The following ADAMTSL1 variants were observed in gnomAD, a reference collection of about 807,000 sequenced individuals.
The protein encoded by ADAMTSL1 is ADAMTS like 1, also known as ADAMTS-like protein 1.
Under a neutral mutation model 201.8 loss-of-function variants are expected in ADAMTSL1, and 126 were observed. The ratio of observed to expected loss-of-function variants is 0.62; its 90% CI spans 0.54 to 0.72. The LOEUF (loss-of-function observed/expected upper bound fraction) is 0.72. ADAMTSL1 is among the 30% of genes least tolerant of loss of function. The probability of loss-of-function intolerance (pLI) is 0.00; values close to 1 mark genes in which losing one functional copy is unlikely to be tolerated. For missense variants in ADAMTSL1, 2,679 were observed against 2,277.8 expected (o/e 1.18, Z -3.59); for synonymous variants, 1,121 against 903.4 (o/e 1.24, Z -4.32).
intron 2 of ADAMTSL1, among the ~76,000 whole-genome samples, chr9:18,271,442 T>G (rs527821055): frequency 6.6e-6 from 1 of 152,218 alleles, no homozygotes; most frequent in Admixed American, 6.5e-5. Flanking sequence ...TTTTTGTCCT[T>G]GTGATAGTTT....
At chr9:18,189,732 C>T (rs1828892199) in intron 2 of ADAMTSL1, among the ~76,000 whole-genome samples, 1 of 152,098 alleles carries the variant, frequency 6.6e-6, no homozygotes, top group African/African-American at 2.4e-5. Flanking sequence ...TTATACATGT[C>T]TTCCACTCTA....
chr9:18,571,599 A>G (rs1056450582), intron 3 of ADAMTSL1, among the ~76,000 whole-genome samples: 3 of 152,220 alleles, frequency 2.0e-5, no homozygotes, highest in African/African-American at 7.2e-5. Flanking sequence ...TGTGGATCAT[A>G]TAAAGGTAGG....
In ADAMTSL1 at chr9:18,681,698, G is replaced by GTGTT. The variant is rs66675938; in HGVS notation, c.1342-114_1342-113insTGTT. 1.8e-3 allele frequency: 595 copies of GTGTT among 322,806 alleles called. 23 individuals carry two copies. Among genetic ancestry groups the GTGTT allele is most frequent in the Middle Eastern group, 3.8e-3 (4 of 1,040 alleles). 20.0% of individuals were successfully genotyped at this position (322,806 alleles called of 1,614,324 possible). On this transcript the variant is annotated intron_variant, in intron 11 of 28. Transcript: ENST00000380548. ...ATAAATTTACCAGGAGTCCTCGTGT[G>GTGTT]GGGGGGGGGGGCGGGGAAAAAGAAA... is the stretch of plus-strand genomic sequence containing the variant.
At chr9:18,887,715 C>T (rs1828986186) in intron 23 of ADAMTSL1, 116 bp from the exon 24 acceptor site, 1 of 906,790 alleles carries the variant, frequency 1.1e-6, no homozygotes, top group Non-Finnish European at 1.7e-6. Context: ...AAAAATGCCA[C>T]AGACAAGGCC....
chr9:18,801,087 C>A (rs1392667003), intron 20 of ADAMTSL1, among the ~76,000 whole-genome samples: 1 of 152,188 alleles, frequency 6.6e-6, no homozygotes, highest in African/African-American at 2.4e-5. Context: ...GCCCTACCTA[C>A]TTCCTCAAGT....
chr9:18,807,869 C>G (rs1446990129), intron 20 of ADAMTSL1, among the ~76,000 whole-genome samples: 1 of 151,994 alleles, frequency 6.6e-6, no homozygotes, highest in South Asian at 2.1e-4. Context: ...TTTTTTTCTC[C>G]TTAGTTAACT....
intron 2 of ADAMTSL1, 106 bp downstream of exon 2, chr9:18,505,062 C>G: frequency 5.2e-6 from 7 of 1,355,584 alleles, no homozygotes; most frequent in Non-Finnish European, 5.9e-6. Context: ...CTTACAGATC[C>G]AGATAAAAGA....
intron 2 of ADAMTSL1, among the ~76,000 whole-genome samples, chr9:18,410,491 C>T (rs960512036): frequency 6.6e-6 from 1 of 152,122 alleles, no homozygotes; most frequent in Non-Finnish European, 1.5e-5. Context: ...TTTTCCGTTC[C>T]TGTGTTAGTT....
intron 1 of ADAMTSL1, among the ~76,000 whole-genome samples, chr9:18,124,959 T>A (rs754526179): frequency 2.7e-4 from 41 of 152,216 alleles, no homozygotes; most frequent in Non-Finnish European, 5.6e-4. Flanking sequence ...TTGGAGTGAC[T>A]CATTCACCCA....
intron 23 of ADAMTSL1, among the ~76,000 whole-genome samples, chr9:18,886,327 T>C (rs142918805): frequency 0.014 from 2,087 of 151,332 alleles, 25 homozygotes; most frequent in Non-Finnish European, 0.022. Flanking sequence ...TGGAGGTTGC[T>C]GTGAGCTACG....
intron 2 of ADAMTSL1, among the ~76,000 whole-genome samples, chr9:18,298,282 G>A (rs1222510862): frequency 3.9e-5 from 6 of 152,144 alleles, no homozygotes; most frequent in African/African-American, 7.2e-5. Flanking sequence ...GCCGTGCAGG[G>A]TAAAAATAAA....
At chr9:18,512,411 G>T (rs1033860634) in intron 2 of ADAMTSL1, among the ~76,000 whole-genome samples, 1 of 151,824 alleles carries the variant, frequency 6.6e-6, no homozygotes, top group African/African-American at 2.4e-5. Flanking sequence ...TCAGGAATCT[G>T]TAACTCTTAG....
intron 1 of ADAMTSL1, among the ~76,000 whole-genome samples, chr9:18,038,084 A>G (rs1270750284): frequency 2.6e-5 from 4 of 152,242 alleles, no homozygotes; most frequent in African/African-American, 9.6e-5. Context: ...AAGATGCAGT[A>G]TCCATGGATG....
chr9:18,825,529 C>G (rs10963784), intron 21 of ADAMTSL1, among the ~76,000 whole-genome samples: 13,075 of 152,246 alleles, frequency 0.086, 688 homozygotes, highest in East Asian at 0.28. Flanking sequence ...AATCTAGCAG[C>G]TTCCATTTGT....
intron 2 of ADAMTSL1, among the ~76,000 whole-genome samples, chr9:18,368,585 A>G (rs948259347): frequency 6.6e-6 from 1 of 152,234 alleles, no homozygotes; most frequent in East Asian, 1.9e-4. Flanking sequence ...TAGTGGCAGG[A>G]TTGGAGTGTA....
At chr9:18,498,910 C>A (rs1400212213) in intron 1 of ADAMTSL1, among the ~76,000 whole-genome samples, 1 of 152,244 alleles carries the variant, frequency 6.6e-6, no homozygotes, top group Non-Finnish European at 1.5e-5. Flanking sequence ...ACTTAAGAAA[C>A]CCCAGTTTTC....
chr9:18,354,977 T>TAAACAAAC (rs147464985), intron 2 of ADAMTSL1, among the ~76,000 whole-genome samples: 11 of 151,824 alleles, frequency 7.2e-5, no homozygotes, highest in African/African-American at 1.9e-4. Context: ...TCTCTATAAA[T>TAAACAAAC]AAACAAACAA....
chr9:18,086,703 A>G (rs1158832703), intron 1 of ADAMTSL1, among the ~76,000 whole-genome samples: 1 of 152,202 alleles, frequency 6.6e-6, no homozygotes, highest in Admixed American at 6.5e-5. Flanking sequence ...TACTTTAGAA[A>G]GCATTTAAAT....
intron 1 of ADAMTSL1, among the ~76,000 whole-genome samples, chr9:17,933,685 G>A (rs983861484): frequency 2.4e-4 from 36 of 152,128 alleles, no homozygotes; most frequent in African/African-American, 7.7e-4. Context: ...GAGAAAGCGG[G>A]CTCATCTTAC....
Sources: gnomAD v4.1 joint callset for allele counts (sites outside exome capture counted in the v4.1 genomes callset) on GRCh38, gnomAD v4.1.1 for gene constraint, MANE v1.5 for transcripts, NCBI Gene and HGNC (gene_info 2026-07-23, HGNC 2026-07-21) for gene names.